L3MBTL1: variants seen among roughly 807,000 people sequenced by gnomAD.
The protein encoded by L3MBTL1 is lethal(3)malignant brain tumor-like protein 1.
L3MBTL1 carries 75 observed loss-of-function variants against 105.3 expected under a neutral mutation model. That is an observed-to-expected ratio of 0.71 (90% CI 0.59 to 0.86). The LOEUF (loss-of-function observed/expected upper bound fraction) is 0.86, where lower values mean the gene tolerates loss of function less well. L3MBTL1 is among the 40% of genes least tolerant of loss of function. The probability of loss-of-function intolerance (pLI) is 0.00; values close to 1 mark genes in which losing one functional copy is unlikely to be tolerated. For synonymous variants in L3MBTL1, 452 were observed against 436.2 expected, an observed-to-expected ratio of 1.04 and a Z score of -0.45; for missense variants, 1,069 against 1,126.4, an observed-to-expected ratio of 0.95 and a Z score of 0.73.
chr20:43,529,023 T>C (rs74777463), intron 8 of L3MBTL1: 23,436 of 601,824 alleles, frequency 0.039, 585 homozygotes, highest in Non-Finnish European at 0.051. Flanking sequence ...CATTGATCTT[T>C]CCATGACTTT....
chr20:43,550,949 T>TA (rs1448274393), exon 19 of L3MBTL1: 2 of 152,230 alleles, frequency 1.3e-5, no homozygotes, highest in Non-Finnish European at 2.9e-5. Flanking sequence ...GAACAACTGA[T>TA]ACGCAGCCAG....
chr20:43,537,921 G>C (rs1294475212), intron 19 of L3MBTL1, among the ~76,000 whole-genome samples: 1 of 152,144 alleles, frequency 6.6e-6, no homozygotes, highest in Non-Finnish European at 1.5e-5. Context: ...ACTCCTCTCT[G>C]AGCCTCACCT....
intron 7 of L3MBTL1, among the ~76,000 whole-genome samples, chr20:43,517,683 T>C (rs1376586452): frequency 6.6e-6 from 1 of 152,368 alleles, no homozygotes; most frequent in Middle Eastern, 3.4e-3. Context: ...ATGATTTTTA[T>C]GTTGATGGTT....
chr20:43,537,831 CAGTA>C (rs2019708803), intron 19 of L3MBTL1, among the ~76,000 whole-genome samples: 1 of 152,178 alleles, frequency 6.6e-6, no homozygotes, highest in Non-Finnish European at 1.5e-5. Flanking sequence ...GTAACCTGGG[CAGTA>C]AGTAACATAG....
chr20:43,533,017 T>A, intron 12 of L3MBTL1, 93 bp downstream of exon 12: 1 of 1,276,474 alleles, frequency 7.8e-7, no homozygotes, highest in South Asian at 1.3e-5. Context: ...CACCACTCAG[T>A]CCAGTTCTGA....
chr20:43,514,517 T>G, intron 3 of L3MBTL1, 118 bp from the exon 4 acceptor site: 1 of 1,558,956 alleles, frequency 6.4e-7, no homozygotes, highest in South Asian at 1.2e-5. Flanking sequence ...GCGTGGAGTC[T>G]TGAGGCCTGC....
downstream of L3MBTL1, among the ~76,000 whole-genome samples, chr20:43,544,738 G>C (rs1978472371): frequency 6.6e-6 from 1 of 152,192 alleles, no homozygotes; most frequent in African/African-American, 2.4e-5. Context: ...GCCAAGGCGG[G>C]CGGATTATTT....
chr20:43,526,552 T>C (rs1405126962), intron 7 of L3MBTL1, among the ~76,000 whole-genome samples: 2 of 152,212 alleles, frequency 1.3e-5, no homozygotes, highest in Non-Finnish European at 2.9e-5. Context: ...CTTGAGAGTT[T>C]GATAGCTTGC....
At chr20:43,532,726 C>T in intron 11 of L3MBTL1, 47 bp from the exon 12 acceptor site, 1 of 1,611,214 alleles carries the variant, frequency 6.2e-7, no homozygotes, top group Non-Finnish European at 8.5e-7. Flanking sequence ...CTGGGCTGGT[C>T]TTAGCCAGCT....
rs969222637 is a variant in L3MBTL1 at position 43,548,034 on chromosome 20, C to G, written c.2125-77C>G. On this transcript the variant is annotated intron_variant, in intron 18 of 18. Coordinates refer to the L3MBTL1 transcript ENST00000422861. ...CCCCTCCCCCATTCCCCATGCACAC[C>G]CCTCCCTTTCCTTCACCCCTGCCCC... The G allele has an allele frequency of 1.5e-5, 16 of 1,089,342 alleles. No individual in the cohort carries two copies. The African/African-American group carries it at 2.1e-4, about 14-fold the overall frequency. 67.5% of individuals were successfully genotyped at this position (1,089,342 alleles called of 1,614,324 possible).
chr20:43,515,654 A>G (rs566854054), intron 6 of L3MBTL1: 13 of 539,246 alleles, frequency 2.4e-5, no homozygotes, highest in African/African-American at 1.5e-4. Context: ...AGGTTAAGAC[A>G]TAGTCAGGTG....
intron 19 of L3MBTL1, among the ~76,000 whole-genome samples, chr20:43,537,243 G>A (rs2019678000): frequency 6.6e-6 from 1 of 152,220 alleles, no homozygotes; most frequent in Admixed American, 6.5e-5. Context: ...CATAGACTGG[G>A]TGGCTTACAC....
exon 19 of L3MBTL1, chr20:43,548,183 C>G: frequency 7.7e-7 from 1 of 1,304,446 alleles, no homozygotes; most frequent in Non-Finnish European, 1.0e-6. Context: ...CAAGCTGGGC[C>G]CAGCCTTGAA....
chr20:43,515,506 G>T (rs747196690), intron 6 of L3MBTL1, 91 bp downstream of exon 6: 97 of 1,481,862 alleles, frequency 6.5e-5, no homozygotes, highest in Non-Finnish European at 8.5e-5. Context: ...TTATGGAGCT[G>T]GGCCAGAGAA....
rs1367763896 is a variant in L3MBTL1 at position 43,513,613 on chromosome 20, T to G, written c.110T>G (p.Leu37Arg). 13 of 1,550,522 alleles carry G rather than the reference T, an allele frequency of 8.4e-6. No homozygotes were observed. Among genetic ancestry groups the G allele is most frequent in the Non-Finnish European group, 1.1e-5 (13 of 1,147,004 alleles). Residue 37 changes from leucine to arginine, a missense_variant, in exon 2 of 22, where the codon CTG becomes CGG. Physicochemically the swap from Leu to Arg is moderately radical, Grantham distance 102. Coordinates refer to ENST00000418998, the MANE Select transcript of L3MBTL1 (RefSeq NM_001377303.1). ...AGDSPGSGPH[L>R]PATAFIIPAS... ...GACAGCCCCGGTTCTGGTCCTCACC[T>G]GCCCGCAACTGCCTTCATCATTCCA... is the stretch of plus-strand genomic sequence containing the variant.
chr20:43,516,238 A>G, intron 7 of L3MBTL1, 61 bp downstream of exon 7: 1 of 1,257,680 alleles, frequency 8.0e-7, no homozygotes, highest in Non-Finnish European at 1.2e-6. Context: ...TGGAGGTGTG[A>G]GGCTGAGAAT....
In L3MBTL1 at chr20:43,515,099, A is replaced by C; in HGVS notation, c.593A>C (p.Gln198Pro). The C allele has an allele frequency of 6.2e-7, 1 of 1,614,148 alleles. No individual in the cohort carries two copies. The highest frequency in any genetic ancestry group is 8.5e-7 in the Non-Finnish European group (1 of 1,179,994). ...TCQCQACGPH[Q>P]AAGPDLGSSN... Reference sequence around the variant, plus strand: ...CAGTGCCAGGCGTGCGGGCCTCACCAAGCCGCGGGTCCAGATCTTGGTTCC... The same window carrying C: ...CAGTGCCAGGCGTGCGGGCCTCACCCAGCCGCGGGTCCAGATCTTGGTTCC... The change falls in exon 5 of 22, where the codon CAA becomes CCA. Residue 198 changes from glutamine (Q) to proline (P), a missense_variant. Gln to Pro is a moderately conservative substitution (Grantham distance 76). Transcript: ENST00000418998.
chr20:43,543,609 C>G (rs1978370251), downstream of L3MBTL1, among the ~76,000 whole-genome samples: 1 of 152,174 alleles, frequency 6.6e-6, no homozygotes, highest in South Asian at 2.1e-4. Context: ...ATCACCATCT[C>G]CAGTGTCTGG....
At chr20:43,520,079 C>CTATATATCT (rs1203297513) in intron 7 of L3MBTL1, among the ~76,000 whole-genome samples, 1 of 152,170 alleles carries the variant, frequency 6.6e-6, no homozygotes, top group African/African-American at 2.4e-5. Flanking sequence ...TATTAGCCAT[C>CTATATATCT]ATTCCCCCTA....
Sources: gnomAD v4.1 joint callset for allele counts (sites outside exome capture counted in the v4.1 genomes callset) on GRCh38, gnomAD v4.1.1 for gene constraint, MANE v1.5 for transcripts, NCBI Gene and HGNC (gene_info 2026-07-23, HGNC 2026-07-21) for gene names.